The following CACNA1E variants were observed in gnomAD, a reference collection of about 807,000 sequenced individuals.
CACNA1E encodes the protein calcium voltage-gated channel subunit alpha1 E, also known as voltage-dependent R-type calcium channel subunit alpha-1E.
CACNA1E carries 40 observed loss-of-function variants against 259.2 expected under a neutral mutation model. The ratio of observed to expected loss-of-function variants is 0.15; its 90% CI spans 0.12 to 0.20. The LOEUF (loss-of-function observed/expected upper bound fraction) is 0.20. Among genes scored for constraint, CACNA1E ranks in the 10% least tolerant of loss-of-function variants. CACNA1E has a pLI of 1.00. For missense variants in CACNA1E, 1,874 were observed against 3,040.1 expected, an observed-to-expected ratio of 0.62 and a Z score of 9.02; for synonymous variants, 1,104 against 1,138.5, an observed-to-expected ratio of 0.97 and a Z score of 0.61.
At chr1:181,432,124 T>C (rs1659759135) in intron 2 of CACNA1E, among the ~76,000 whole-genome samples, 1 of 152,242 alleles carries the variant, frequency 6.6e-6, no homozygotes, top group South Asian at 2.1e-4. Context: ...GATACCTCCT[T>C]GGCCTGATTT....
intron 24 of CACNA1E, 21 bp downstream of exon 24, chr1:181,738,447 C>A: frequency 6.2e-7 from 1 of 1,607,246 alleles, no homozygotes; most frequent in Non-Finnish European, 8.5e-7. Flanking sequence ...CTAGAGAAAA[C>A]CTGGGCTCTT....
Position 181,732,691 on chromosome 1 carries a change from A to G in CACNA1E, c.2605A>G (p.Asn869Asp), listed in dbSNP as rs777502766. The change falls in exon 20 of 48, where the codon AAC becomes GAC. Residue 869 changes from asparagine (N) to aspartate (D), a missense_variant. By Grantham distance (23) the Asn-to-Asp change is conservative. This residue lies in a region of CACNA1E where 476 missense variants were observed against 514.0 expected (regional missense o/e 0.93). Coordinates refer to ENST00000367573, the MANE Select transcript of CACNA1E (RefSeq NM_001205293.3). The surrounding 1 kb of genome is among the most constrained non-coding windows in gnomAD (Gnocchi z 5.5). ...DGGDRSSALD[N>D]QRTPLSLGQR... Reference sequence around the variant, plus strand: ...AGGGGACCGATCCAGTGCCCTGGACAACCAGAGGACCCCTTTGTCCCTGGG... The same window carrying G: ...AGGGGACCGATCCAGTGCCCTGGACGACCAGAGGACCCCTTTGTCCCTGGG... 8.5e-6 allele frequency: 13 copies of G among 1,531,136 alleles called. No individual in the cohort carries two copies. In the Admixed American group the frequency reaches 2.8e-4, roughly 32 times the overall value. The allele number at this position is 1,531,136 out of a possible 1,614,324, so 94.8% of individuals were successfully genotyped here. A position where few individuals can be genotyped will look rare whatever the true frequency, so the allele number is the denominator to read the frequency against.
At chr1:181,529,971 A>G (rs550359137) in intron 3 of CACNA1E, among the ~76,000 whole-genome samples, 2 of 152,278 alleles carry the variant, frequency 1.3e-5, no homozygotes, top group East Asian at 3.9e-4. Context: ...ATGTGAGGAC[A>G]TGAGATTTGG....
intron 37 of CACNA1E, among the ~76,000 whole-genome samples, chr1:181,774,095 T>A (rs1659757452): frequency 6.6e-6 from 1 of 152,200 alleles, no homozygotes; most frequent in Non-Finnish European, 1.5e-5. Context: ...AGCAATTCTG[T>A]CCTTGAAGGG....
intron 6 of CACNA1E, among the ~76,000 whole-genome samples, chr1:181,604,236 C>T (rs1442190792): frequency 1.3e-5 from 2 of 152,218 alleles, no homozygotes; most frequent in Admixed American, 6.5e-5. Flanking sequence ...GTCCCACTCA[C>T]CACCAGGGCG....
chr1:181,736,710 G>A (rs1224681935), intron 22 of CACNA1E, among the ~76,000 whole-genome samples: 1 of 152,184 alleles, frequency 6.6e-6, no homozygotes, highest in Non-Finnish European at 1.5e-5. Context: ...ACCAGTCTTT[G>A]GTCAGTAGGT....
intron 2 of CACNA1E, among the ~76,000 whole-genome samples, chr1:181,426,362 G>A (rs1659198377): frequency 6.6e-6 from 1 of 151,100 alleles, no homozygotes; most frequent in Non-Finnish European, 1.5e-5. Flanking sequence ...ACTCAACCCA[G>A]CTCATCTCAA....
chr1:181,497,600 G>A (rs1664874900), intron 1 of CACNA1E, among the ~76,000 whole-genome samples: 1 of 152,112 alleles, frequency 6.6e-6, no homozygotes, highest in Admixed American at 6.5e-5. Flanking sequence ...TCCAACCCCG[G>A]GTGAAGTGGA....
chr1:181,336,934 T>G (rs1299927816), intron 1 of CACNA1E, among the ~76,000 whole-genome samples: 1 of 150,506 alleles, frequency 6.6e-6, no homozygotes, highest in Non-Finnish European at 1.5e-5. Flanking sequence ...TAATGTCATA[T>G]CTATTACATA....
intron 2 of CACNA1E, among the ~76,000 whole-genome samples, chr1:181,424,898 T>G (rs1445586150): frequency 6.6e-6 from 1 of 152,036 alleles, no homozygotes; most frequent in African/African-American, 2.4e-5. Context: ...ATCAGTCCCC[T>G]CTCTCCCACC....
At chr1:181,751,839 A>C (rs1657625205) in intron 26 of CACNA1E, 1 of 498,752 alleles carries the variant, frequency 2.0e-6, no homozygotes, top group African/African-American at 1.9e-5. Flanking sequence ...GGAAGTGTTT[A>C]TTAACATATG....
At chr1:181,594,207 C>T (rs1013160733) in intron 6 of CACNA1E, among the ~76,000 whole-genome samples, 5 of 151,678 alleles carry the variant, frequency 3.3e-5, no homozygotes, top group African/African-American at 9.7e-5. Context: ...AATTTACTTG[C>T]AAATGCATAA....
At chr1:181,558,531 G>A (rs1648975953) in intron 3 of CACNA1E, among the ~76,000 whole-genome samples, 1 of 152,202 alleles carries the variant, frequency 6.6e-6, no homozygotes, top group African/African-American at 2.4e-5. Context: ...CAGTGTTGAG[G>A]AGGAGCAGTT....
upstream of CACNA1E, among the ~76,000 whole-genome samples, chr1:181,481,940 G>C (rs1663287171): frequency 6.6e-6 from 1 of 152,160 alleles, no homozygotes; most frequent in South Asian, 2.1e-4. Flanking sequence ...CGCATTTCGA[G>C]AAGGGTAGTT....
intron 1 of CACNA1E, among the ~76,000 whole-genome samples, chr1:181,400,056 G>A (rs879736542): frequency 5.9e-5 from 9 of 152,160 alleles, no homozygotes; most frequent in Admixed American, 5.9e-4. Flanking sequence ...ATAAATAATA[G>A]GGAATCTGAT....
intron 3 of CACNA1E, among the ~76,000 whole-genome samples, chr1:181,527,345 A>C (rs1317020964): frequency 6.6e-6 from 1 of 152,158 alleles, no homozygotes; most frequent in Non-Finnish European, 1.5e-5. Flanking sequence ...AGTCCTCATG[A>C]CCTAATACCT....
At chr1:181,426,179 C>T (rs1034390964) in intron 2 of CACNA1E, among the ~76,000 whole-genome samples, 4 of 151,884 alleles carry the variant, frequency 2.6e-5, no homozygotes, top group Non-Finnish European at 5.9e-5. Flanking sequence ...CTGCATCCCC[C>T]TCCTGTCACT....
intron 6 of CACNA1E, among the ~76,000 whole-genome samples, chr1:181,585,021 T>G (rs2332357): frequency 3.3e-5 from 4 of 120,418 alleles, no homozygotes; most frequent in African/African-American, 1.2e-4. Flanking sequence ...TCCCCCCCCC[T>G]GCCTCAAACA....
intron 39 of CACNA1E, among the ~76,000 whole-genome samples, chr1:181,783,075 C>G (rs1660561343): frequency 6.6e-6 from 1 of 152,138 alleles, no homozygotes; most frequent in South Asian, 2.1e-4. Flanking sequence ...TTGCACTCTC[C>G]CCCTTGTCCA....
Sources: gnomAD v4.1 joint callset for allele counts (sites outside exome capture counted in the v4.1 genomes callset) on GRCh38, gnomAD v4.1.1 for gene constraint, gnomAD v4.1.1 regional missense constraint, Gnocchi (gnomAD v3.1) non-coding constraint, MANE v1.5 for transcripts, NCBI Gene and HGNC (gene_info 2026-07-23, HGNC 2026-07-21) for gene names.